Variants in CDH20 observed in about 807,000 individuals in gnomAD.
The protein encoded by CDH20 is cadherin-20.
Under a neutral mutation model 74.2 loss-of-function variants are expected in CDH20, and 29 were observed. The ratio of observed to expected loss-of-function variants is 0.39; its 90% CI spans 0.29 to 0.53. The LOEUF is 0.53. CDH20 is among the 20% of genes least tolerant of loss of function. The pLI, the probability that CDH20 is intolerant of heterozygous loss-of-function variation, is 0.69. For synonymous variants in CDH20, 469 were observed against 405.4 expected (o/e 1.16, Z -1.88); for missense variants, 988 against 1,048.3 (o/e 0.94, Z 0.79).
chr18:61,428,011 C>G, intron 1 of CDH20, among the ~76,000 whole-genome samples: 1 of 152,100 alleles, frequency 6.6e-6, no homozygotes, highest in East Asian at 1.9e-4. Flanking sequence ...AGATATAGCC[C>G]CCTCCACAAA....
chr18:61,411,475 T>C (rs186001530), intron 1 of CDH20, among the ~76,000 whole-genome samples: 65 of 152,178 alleles, frequency 4.3e-4, no homozygotes, highest in African/African-American at 1.5e-3. Flanking sequence ...AACAGCACAA[T>C]TCGCAATTGC....
intron 8 of CDH20, 133 bp downstream of exon 8, chr18:61,536,762 G>T (rs1176168701): frequency 1.3e-6 from 1 of 746,914 alleles, no homozygotes; most frequent in African/African-American, 1.8e-5. Context: ...CTTTATGCAA[G>T]TAAGTAAATG....
At chr18:61,393,265 C>CT (rs1911854494) in intron 1 of CDH20, among the ~76,000 whole-genome samples, 1 of 152,194 alleles carries the variant, frequency 6.6e-6, no homozygotes, top group Admixed American at 6.6e-5. Context: ...CCACACCACA[C>CT]TTCACAGTGC....
intron 1 of CDH20, among the ~76,000 whole-genome samples, chr18:61,454,018 AT>A (rs1568145625): frequency 6.6e-6 from 1 of 152,122 alleles, no homozygotes; most frequent in Non-Finnish European, 1.5e-5. Context: ...GTATGGCACT[AT>A]GTCATAGTGG....
At position 61,550,190 on chromosome 18, in the gene CDH20, G is replaced by C; in HGVS notation, c.1861G>C (p.Ala621Pro). The C allele has an allele frequency of 3.1e-6, 5 of 1,614,008 alleles. No homozygotes were observed. Among genetic ancestry groups the C allele is most frequent in the Non-Finnish European group, 4.2e-6 (5 of 1,180,018 alleles). ...YMLPVSLSRGALIAILACIFV... is the reference protein window; with the variant it reads ...YMLPVSLSRGPLIAILACIFV... ...GCTCCCAGTCAGTTTGAGCCGGGGC[G>C]CCCTCATTGCCATCCTCGCCTGCAT... The change falls in exon 11 of 12, where the codon GCC becomes CCC. Residue 621 changes from alanine to proline, a missense_variant. Coordinates refer to ENST00000262717, the MANE Select transcript of CDH20 (RefSeq NM_031891.4).
chr18:61,416,967 T>C (rs1048208480), intron 1 of CDH20, among the ~76,000 whole-genome samples: 3 of 152,206 alleles, frequency 2.0e-5, no homozygotes, highest in Admixed American at 2.0e-4. Flanking sequence ...CACATTTGGT[T>C]TAAAAGGGAA....
intron 1 of CDH20, among the ~76,000 whole-genome samples, chr18:61,437,357 T>A (rs1908872528): frequency 6.6e-6 from 1 of 152,194 alleles, no homozygotes; most frequent in African/African-American, 2.4e-5. Context: ...TCCTCTTCCA[T>A]CAGGCCATTT....
intron 5 of CDH20, among the ~76,000 whole-genome samples, chr18:61,504,079 C>T (rs144423476): frequency 3.2e-4 from 49 of 152,262 alleles, no homozygotes; most frequent in African/African-American, 1.1e-3. Context: ...TGTCACTTTA[C>T]GTTCAAAGAC....
intron 1 of CDH20, among the ~76,000 whole-genome samples, chr18:61,355,994 G>C (rs2144123318): frequency 6.6e-6 from 1 of 152,246 alleles, no homozygotes; most frequent in Middle Eastern, 3.4e-3. Flanking sequence ...CTTAATCTCT[G>C]CACTTCATTC....
chr18:61,516,130 A>C (rs1347036765), intron 6 of CDH20, among the ~76,000 whole-genome samples: 2 of 152,224 alleles, frequency 1.3e-5, no homozygotes, highest in African/African-American at 4.8e-5. Flanking sequence ...CAATTGGAGA[A>C]GCAACGCTAT....
At chr18:61,494,429 C>T (rs1911062395) in intron 2 of CDH20, among the ~76,000 whole-genome samples, 1 of 152,208 alleles carries the variant, frequency 6.6e-6, no homozygotes, top group Admixed American at 6.5e-5. Flanking sequence ...TGCATCTCAA[C>T]AGTCATCTGA....
At chr18:61,462,225 TATTA>T (rs1188392362) in intron 1 of CDH20, among the ~76,000 whole-genome samples, 1 of 152,168 alleles carries the variant, frequency 6.6e-6, no homozygotes, top group Non-Finnish European at 1.5e-5. Flanking sequence ...GTGATGGATA[TATTA>T]ATTAGCTTGC....
intron 6 of CDH20, among the ~76,000 whole-genome samples, chr18:61,522,614 C>T (rs1482507931): frequency 2.0e-5 from 3 of 152,104 alleles, no homozygotes; most frequent in Non-Finnish European, 4.4e-5. Context: ...CAAGACAATC[C>T]TAAGCAAAAA....
chr18:61,369,284 G>C (rs543446213), intron 1 of CDH20, among the ~76,000 whole-genome samples: 2 of 152,252 alleles, frequency 1.3e-5, no homozygotes, highest in East Asian at 3.9e-4. Context: ...AGGTTTGTCT[G>C]ACTGCAAGGC....
At chr18:61,489,363 A>G (rs751212401) in intron 1 of CDH20, among the ~76,000 whole-genome samples, 19 of 152,140 alleles carry the variant, frequency 1.2e-4, no homozygotes, top group Non-Finnish European at 2.4e-4. Flanking sequence ...CTCCAAATAC[A>G]CACATTTGTT....
chr18:61,352,329 T>C (rs1191827140), intron 1 of CDH20, among the ~76,000 whole-genome samples: 2 of 152,232 alleles, frequency 1.3e-5, no homozygotes, highest in Non-Finnish European at 2.9e-5. Flanking sequence ...TATCAGTAAC[T>C]GTGGTCCCTG....
rs190876125 is a variant in CDH20 at position 61,471,125 on chromosome 18, G to A, written c.-152-19277G>A. Among the ~76,000 whole-genome samples the A allele has an allele frequency of 1.4e-3, 207 of 152,280 alleles. 2 individuals are homozygous for A. The highest frequency in any genetic ancestry group is 8.8e-4 in the Non-Finnish European group (60 of 68,034). ...ACTTCTTTTTGAAATGGCATATGGA[G>A]ACTTTTATAACTCTGAAAAAAATGT... On this transcript the variant is annotated intron_variant, in intron 1 of 11. Coordinates refer to ENST00000262717, the MANE Select transcript of CDH20 (RefSeq NM_031891.4).
At position 61,500,486 on chromosome 18, in the gene CDH20, T is replaced by C. The variant is rs758546149; in HGVS notation, c.645T>C (p.Ser215=). ...YSILQGQPYF[S]VDSKTGVIRT... is the part of the protein sequence containing the mutation. ...TTCTTCAGGGCCAGCCATATTTTTC[T>C]GTGGACTCTAAAACAGGTATCTGAT... Residue 215 remains serine (S), a synonymous_variant, in exon 4 of 12, where the codon TCT becomes TCC. Transcript: ENST00000262717. 1 of 1,611,314 alleles carries C rather than the reference T, an allele frequency of 6.2e-7. No individual in the cohort carries two copies. Among genetic ancestry groups the C allele is most frequent in the Non-Finnish European group, 8.5e-7 (1 of 1,178,200 alleles).
intron 8 of CDH20, among the ~76,000 whole-genome samples, chr18:61,538,592 G>T (rs7238653): frequency 0.65 from 34,032 of 52,376 alleles, 11,019 homozygotes; most frequent in South Asian, 0.73. Context: ...TTGTTTGTTT[G>T]TTTGTTTTTG....
Sources: gnomAD v4.1 joint callset for allele counts (sites outside exome capture counted in the v4.1 genomes callset) on GRCh38, gnomAD v4.1.1 for gene constraint, MANE v1.5 for transcripts, NCBI Gene and HGNC (gene_info 2026-07-23, HGNC 2026-07-21) for gene names.